The following PTCHD4 variants were observed in gnomAD, a reference collection of about 807,000 sequenced individuals.
PTCHD4 encodes patched domain-containing protein 4.
In PTCHD4, 33 loss-of-function variants were observed where a neutral mutation model predicts 58.1. That is an observed-to-expected ratio of 0.57 (90% CI 0.43 to 0.76). The LOEUF (loss-of-function observed/expected upper bound fraction) is 0.76. Among genes scored for constraint, PTCHD4 ranks in the 30% least tolerant of loss-of-function variants. The probability of loss-of-function intolerance (pLI) is 0.00; values close to 1 mark genes in which losing one functional copy is unlikely to be tolerated. For missense variants in PTCHD4, 1,058 were observed against 1,027.1 expected (o/e 1.03, Z -0.41); for synonymous variants, 478 against 409.6 (o/e 1.17, Z -2.02).
chr6:47,979,243 T>C (rs532836466), intron 4 of PTCHD4, among the ~76,000 whole-genome samples: 235 of 152,182 alleles, frequency 1.5e-3, no homozygotes, highest in Middle Eastern at 3.4e-3. Flanking sequence ...TTTTATATCT[T>C]GATGAGGTTT....
intron 3 of PTCHD4, among the ~76,000 whole-genome samples, chr6:48,031,305 T>A (rs1344196052): frequency 6.6e-6 from 1 of 152,012 alleles, no homozygotes; most frequent in African/African-American, 2.4e-5. Context: ...CTATGTTGCC[T>A]GTTAGTAATT....
rs1433263403 is a variant in PTCHD4 at position 47,860,835 on chromosome 6, A to G, written c.*17468T>C. Among the ~76,000 whole-genome samples, 1 of 152,050 alleles carries G rather than the reference A, an allele frequency of 6.6e-6. No individual in the cohort carries two copies. Among genetic ancestry groups the G allele is most frequent in the Non-Finnish European group, 1.5e-5 (1 of 67,960 alleles). ...AGGTTACAAATGAACTGGCGATAAA[A>G]TACTTTCATAAAAATTATTTATCCT... On this transcript the variant is annotated 3_prime_UTR_variant, in exon 5 of 5. Transcript: ENST00000339488.
At chr6:48,015,488 C>A (rs1450458914) in intron 3 of PTCHD4, among the ~76,000 whole-genome samples, 3 of 151,874 alleles carry the variant, frequency 2.0e-5, no homozygotes, top group Non-Finnish European at 2.9e-5. Context: ...TTTTTTTTAA[C>A]CTTTCTTCCT....
At chr6:48,109,482 A>C (rs77785297) in intron 1 of PTCHD4, among the ~76,000 whole-genome samples, 1,897 of 152,266 alleles carry the variant, frequency 0.012, 19 homozygotes, top group Non-Finnish European at 0.018. Flanking sequence ...GGAAGAAAAC[A>C]TAGGGCCTTG....
Position 47,919,181 on chromosome 6 carries a change from C to T in PTCHD4, c.899-39245G>A, listed in dbSNP as rs576209754. On this transcript the variant is annotated intron_variant, in intron 4 of 4. Transcript: ENST00000339488. ...TCCTTTTAGAGCAATTGAACCCAAA[C>T]TCACATTCAACTAAAATAGGTATTC... 5.3e-5 allele frequency among the ~76,000 whole-genome samples: 8 copies of T among 152,118 alleles called. 1 individual carries two copies. Among genetic ancestry groups the T allele is most frequent in the Non-Finnish European group, 1.2e-4 (8 of 68,014 alleles).
chr6:47,934,738 A>G (rs181442751), intron 4 of PTCHD4, among the ~76,000 whole-genome samples: 3 of 152,290 alleles, frequency 2.0e-5, no homozygotes, highest in Admixed American at 1.3e-4. Flanking sequence ...CAATTTATGT[A>G]TTTACTCACT....
chr6:47,964,714 G>C (rs1767220113), intron 4 of PTCHD4, among the ~76,000 whole-genome samples: 1 of 152,118 alleles, frequency 6.6e-6, no homozygotes, highest in African/African-American at 2.4e-5. Flanking sequence ...GTTTCATCTT[G>C]GTAGTGAGTG....
intron 4 of PTCHD4, among the ~76,000 whole-genome samples, chr6:47,919,890 T>C (rs951654493): frequency 7.9e-5 from 12 of 152,104 alleles, no homozygotes; most frequent in Non-Finnish European, 1.5e-4. Context: ...GGTCGGGTCA[T>C]GTGATTGACT....
intron 4 of PTCHD4, among the ~76,000 whole-genome samples, chr6:47,895,307 G>A (rs1358893740): frequency 6.6e-6 from 1 of 152,056 alleles, no homozygotes; most frequent in Non-Finnish European, 1.5e-5. Context: ...AAAAACTCTA[G>A]GGTTTTTTTC....
intron 4 of PTCHD4, among the ~76,000 whole-genome samples, chr6:47,994,289 G>A (rs746181666): frequency 6.6e-6 from 1 of 152,166 alleles, no homozygotes; most frequent in Non-Finnish European, 1.5e-5. Context: ...CCCCATGCAA[G>A]GCACCCAAGG....
intron 4 of PTCHD4, among the ~76,000 whole-genome samples, chr6:47,880,533 A>T (rs562933670): frequency 6.6e-6 from 1 of 151,802 alleles, no homozygotes; most frequent in African/African-American, 2.4e-5. Flanking sequence ...TGAGTTTTTA[A>T]AAAAAAAATC....
intron 1 of PTCHD4, among the ~76,000 whole-genome samples, chr6:48,070,528 G>A (rs998093712): frequency 2.0e-5 from 3 of 152,066 alleles, no homozygotes; most frequent in Admixed American, 6.5e-5. Flanking sequence ...TAAAAATTCC[G>A]CCCTTTCTAA....
At chr6:48,089,523 C>T (rs895627490) in intron 1 of PTCHD4, among the ~76,000 whole-genome samples, 1 of 152,166 alleles carries the variant, frequency 6.6e-6, no homozygotes, top group Non-Finnish European at 1.5e-5. Context: ...CAGATATGTA[C>T]GATTAGAGAC....
intron 4 of PTCHD4, among the ~76,000 whole-genome samples, chr6:47,958,936 TA>T (rs1422500290): frequency 5.3e-5 from 8 of 152,174 alleles, no homozygotes; most frequent in Non-Finnish European, 1.2e-4. Flanking sequence ...ACTTTAATGT[TA>T]AGCTGAAAGG....
rs1292046586 is a variant in PTCHD4 at position 48,066,161 on chromosome 6, C to T, written c.417+2069G>A. On this transcript the variant is annotated intron_variant, in intron 3 of 4. Coordinates refer to ENST00000339488, the MANE Select transcript of PTCHD4 (RefSeq NM_001384253.1). ...CCCAGACTACTACTGCTAAGCCTCA[C>T]GAGAGTGAGAACTTTGCTTTTCTTG... Among the ~76,000 whole-genome samples the T allele has an allele frequency of 4.0e-5, 6 of 151,634 alleles. No individual in the cohort carries two copies. The South Asian group carries it at 8.4e-4, about 21-fold the overall frequency.
chr6:47,863,928 CT>C lies in PTCHD4; in HGVS notation c.*14374del. 6.6e-6 allele frequency among the ~76,000 whole-genome samples: 1 copy of C among 152,112 alleles called. No homozygotes were observed. Among genetic ancestry groups the C allele is most frequent in the East Asian group, 1.9e-4 (1 of 5,144 alleles). ...GATATGGCCTTAGTTCAGGTAATTTCTTTTCTTCAAACTGGAATGTCTTTGC... is the reference window on the plus strand; with the variant it reads ...GATATGGCCTTAGTTCAGGTAATTTCTTTCTTCAAACTGGAATGTCTTTGC... On this transcript the variant is annotated 3_prime_UTR_variant, in exon 5 of 5. Coordinates refer to ENST00000339488, the MANE Select transcript of PTCHD4 (RefSeq NM_001384253.1).
chr6:48,093,474 G>A (rs1023494950), intron 1 of PTCHD4, among the ~76,000 whole-genome samples: 4 of 151,826 alleles, frequency 2.6e-5, no homozygotes, highest in Admixed American at 2.6e-4. Context: ...AAGGTATTGG[G>A]GACTATGCAG....
intron 4 of PTCHD4, among the ~76,000 whole-genome samples, chr6:47,904,313 TA>T (rs1764808078): frequency 6.6e-6 from 1 of 152,228 alleles, no homozygotes; most frequent in Admixed American, 6.5e-5. Flanking sequence ...TCTAGGCATT[TA>T]GAGCAGAGGT....
chr6:47,954,496 A>T (rs542467263), intron 4 of PTCHD4, among the ~76,000 whole-genome samples: 5 of 152,372 alleles, frequency 3.3e-5, no homozygotes, highest in African/African-American at 1.2e-4. Flanking sequence ...TTGAAATAAA[A>T]GGACTAAGAT....
Sources: allele counts gnomAD v4.1 joint callset (sites outside exome capture counted in the v4.1 genomes callset), GRCh38; gene constraint gnomAD v4.1.1; transcripts MANE v1.5; gene names NCBI Gene and HGNC (gene_info 2026-07-23, HGNC 2026-07-21).